PPP1R1C: variants seen among roughly 807,000 people sequenced by gnomAD.
PPP1R1C encodes protein phosphatase 1 regulatory subunit 1C.
A neutral mutation model predicts 17.4 loss-of-function variants in PPP1R1C; 15 were observed. The observed-to-expected ratio is 0.86, with a 90% confidence interval of 0.58 to 1.33. The LOEUF (loss-of-function observed/expected upper bound fraction) is 1.33, where lower values mean the gene tolerates loss of function less well. Among genes scored for constraint, PPP1R1C ranks in the 40% most tolerant of loss-of-function variants. The pLI, the probability that PPP1R1C is intolerant of heterozygous loss-of-function variation, is 0.00. For missense variants in PPP1R1C, 143 were observed against 130.0 expected (o/e 1.10, Z -0.48); for synonymous variants, 35 against 43.1 (o/e 0.81, Z 0.73).
At chr2:182,073,081 G>T (rs567901634) in intron 4 of PPP1R1C, among the ~76,000 whole-genome samples, 1 of 145,098 alleles carries the variant, frequency 6.9e-6, no homozygotes, top group South Asian at 2.2e-4. Flanking sequence ...AATAATACGT[G>T]GTTTCTGGCC....
chr2:182,007,535 A>G (rs997696935), intron 2 of PPP1R1C, among the ~76,000 whole-genome samples: 1 of 152,182 alleles, frequency 6.6e-6, no homozygotes, highest in African/African-American at 2.4e-5. Context: ...ATAACGCCAC[A>G]TTAAGGCATA....
chr2:181,955,727 A>C (rs1257853287), intron 1 of PPP1R1C, among the ~76,000 whole-genome samples: 2 of 152,202 alleles, frequency 1.3e-5, no homozygotes, highest in East Asian at 3.8e-4. Flanking sequence ...AGGAGCTTAT[A>C]CACTATCTTT....
intron 2 of PPP1R1C, among the ~76,000 whole-genome samples, chr2:182,042,137 G>A (rs1340279914): frequency 6.6e-6 from 1 of 151,896 alleles, no homozygotes; most frequent in East Asian, 1.9e-4. Context: ...CACTGAAGAA[G>A]GTTTTCTGGA....
At chr2:182,052,099 C>T (rs1687539358) in intron 2 of PPP1R1C, among the ~76,000 whole-genome samples, 1 of 152,018 alleles carries the variant, frequency 6.6e-6, no homozygotes, top group Admixed American at 6.6e-5. Flanking sequence ...TTAAATAATA[C>T]ATTTGATAGA....
intron 2 of PPP1R1C, among the ~76,000 whole-genome samples, chr2:181,990,299 C>T (rs1410464174): frequency 2.0e-5 from 3 of 151,154 alleles, no homozygotes; most frequent in Admixed American, 6.6e-5. Context: ...CCACCACGCC[C>T]GGCTAATTTT....
At chr2:182,102,940 G>A (rs1179939648) in intron 4 of PPP1R1C, among the ~76,000 whole-genome samples, 1 of 152,030 alleles carries the variant, frequency 6.6e-6, no homozygotes, top group Non-Finnish European at 1.5e-5. Flanking sequence ...CCAAGCAGCT[G>A]AGACTACAGG....
Position 182,042,220 on chromosome 2 carries a change from T to TA in PPP1R1C, c.143-19219dup, listed in dbSNP as rs1329374918. ...AATTTCAATTAACATTAAAGAAGAA[T>TA]AAATACTTCTTGATCTTTGTTCAAT... is the stretch of plus-strand genomic sequence containing the variant. On this transcript the variant is annotated intron_variant, in intron 2 of 4. Coordinates refer to ENST00000682840, the MANE Select transcript of PPP1R1C (RefSeq NM_001080545.3). 4.6e-5 allele frequency among the ~76,000 whole-genome samples: 7 copies of TA among 152,368 alleles called. No individual in the cohort carries two copies. The East Asian group carries it at 1.3e-3, about 29-fold the overall frequency.
intron 2 of PPP1R1C, among the ~76,000 whole-genome samples, chr2:181,998,824 G>A (rs759294501): frequency 6.8e-4 from 103 of 152,148 alleles, no homozygotes; most frequent in Non-Finnish European, 6.8e-4. Context: ...CTCTTTCTTC[G>A]TGAATTTTAA....
At chr2:181,998,697 A>G (rs1414771564) in intron 2 of PPP1R1C, among the ~76,000 whole-genome samples, 2 of 152,198 alleles carry the variant, frequency 1.3e-5, no homozygotes, top group Non-Finnish European at 2.9e-5. Context: ...AACCTTGTTT[A>G]TTTGCCATAG....
Position 181,957,468 on chromosome 2 carries a change from C to G in PPP1R1C, n.111+2834C>G, listed in dbSNP as rs1420477517. ...TGGGACAGGTAGTAATTTACCCATT[C>G]TCAACCATTTAGAAATATTATTAAG... On this transcript the variant is annotated intron_variant and non_coding_transcript_variant, in intron 1 of 5. Coordinates refer to the PPP1R1C transcript ENST00000464264. The surrounding 1 kb of genome is among the most constrained non-coding windows in gnomAD (Gnocchi z 4.2). Among the ~76,000 whole-genome samples, 1 of 152,178 alleles carries G rather than the reference C, an allele frequency of 6.6e-6. No individual in the cohort carries two copies. The highest frequency in any genetic ancestry group is 1.5e-5 in the Non-Finnish European group (1 of 68,036).
At position 182,049,397 on chromosome 2, in the gene PPP1R1C, C is replaced by T. The variant is rs113597813; in HGVS notation, c.143-12045C>T. 5.2e-4 allele frequency among the ~76,000 whole-genome samples: 79 copies of T among 151,594 alleles called. 3 individuals carry two copies. Among genetic ancestry groups the T allele is most frequent in the African/African-American group, 1.7e-3 (71 of 41,364 alleles). On this transcript the variant is annotated intron_variant, in intron 2 of 4. Coordinates refer to ENST00000682840, the MANE Select transcript of PPP1R1C (RefSeq NM_001080545.3). The stretch of plus-strand genomic sequence containing the variant: ...AAGAGGAACATAAATTGTTTTTCTC[C>T]GTTGCTACTTCTCTACACAATTATT...
chr2:181,971,876 C>A (rs944722427), intron 1 of PPP1R1C, among the ~76,000 whole-genome samples: 2 of 152,288 alleles, frequency 1.3e-5, no homozygotes, highest in Middle Eastern at 3.4e-3. Flanking sequence ...GTCCCACAAT[C>A]CCTTTGCTCT....
intron 2 of PPP1R1C, among the ~76,000 whole-genome samples, chr2:181,995,298 T>C (rs1442736426): frequency 6.6e-6 from 1 of 152,184 alleles, no homozygotes; most frequent in Non-Finnish European, 1.5e-5. Flanking sequence ...GAGGCAGACA[T>C]GTAATACTTA....
intron 2 of PPP1R1C, among the ~76,000 whole-genome samples, chr2:181,993,976 AT>A (rs1685541014): frequency 6.6e-6 from 1 of 152,070 alleles, no homozygotes; most frequent in African/African-American, 2.4e-5. Flanking sequence ...GATGTTAGTC[AT>A]TGGCAAATAG....
At chr2:182,042,035 G>C (rs1434669589) in intron 2 of PPP1R1C, among the ~76,000 whole-genome samples, 1 of 152,056 alleles carries the variant, frequency 6.6e-6, no homozygotes, top group East Asian at 1.9e-4. Flanking sequence ...CGTGTATGTA[G>C]CTCCTTCTCT....
intron 4 of PPP1R1C, 117 bp downstream of exon 4, chr2:182,063,908 T>G: frequency 1.3e-6 from 1 of 794,146 alleles, no homozygotes; most frequent in Admixed American, 1.8e-5. Flanking sequence ...GCTCTACAAC[T>G]TAACAGTGTT....
At chr2:182,013,368 C>T (rs1686149148) in intron 2 of PPP1R1C, among the ~76,000 whole-genome samples, 1 of 152,078 alleles carries the variant, frequency 6.6e-6, no homozygotes, top group Non-Finnish European at 1.5e-5. Flanking sequence ...TCTCTCCTGG[C>T]CTGTAAGGTT....
At chr2:181,977,618 T>G (rs1685116751) in intron 2 of PPP1R1C, among the ~76,000 whole-genome samples, 1 of 152,214 alleles carries the variant, frequency 6.6e-6, no homozygotes. Flanking sequence ...TAATGATTTT[T>G]AAAGTGCCTA....
intron 2 of PPP1R1C, among the ~76,000 whole-genome samples, chr2:182,031,595 G>T (rs893382822): frequency 2.0e-5 from 3 of 152,164 alleles, no homozygotes; most frequent in East Asian, 3.9e-4. Flanking sequence ...AAGCCTTGCT[G>T]TAATTACTTA....
Sources: gnomAD v4.1 joint callset for allele counts (sites outside exome capture counted in the v4.1 genomes callset) on GRCh38, gnomAD v4.1.1 for gene constraint, Gnocchi (gnomAD v3.1) non-coding constraint, MANE v1.5 for transcripts, NCBI Gene and HGNC (gene_info 2026-07-23, HGNC 2026-07-21) for gene names.